Variants in ASTN2 observed in about 807,000 individuals in gnomAD.
The protein encoded by ASTN2 is astrotactin-2.
A neutral mutation model predicts 139.8 loss-of-function variants in ASTN2; 54 were observed. The observed-to-expected ratio is 0.39, with a 90% CI of 0.31 to 0.48. ASTN2 has a LOEUF of 0.48. Among genes scored for constraint, ASTN2 ranks in the 20% least tolerant of loss-of-function variants. The pLI is 0.95. For synonymous variants in ASTN2, 756 were observed against 719.5 expected (o/e 1.05, Z -0.81); for missense variants, 1,565 against 1,725.1 (o/e 0.91, Z 1.64).
Position 116,715,733 on chromosome 9 carries a change from G to C in ASTN2, c.2806+10038C>G, listed in dbSNP as rs141982015. On this transcript the variant is annotated intron_variant, in intron 16 of 22. Transcript: ENST00000313400. ...TGACTGTGGGATCTTTGAGAGCAGG[G>C]ACTGTGTCTCACTTGCCTTAGCCTC... Among the ~76,000 whole-genome samples, 3 of 152,276 alleles carry C rather than the reference G, an allele frequency of 2.0e-5. No individual in the cohort carries two copies. The East Asian group carries it at 5.8e-4, about 29-fold the overall frequency.
At chr9:117,145,223 G>A (rs148349352) in intron 3 of ASTN2, among the ~76,000 whole-genome samples, 33 of 152,246 alleles carry the variant, frequency 2.2e-4, no homozygotes, top group African/African-American at 7.5e-4. Flanking sequence ...AGAGCTGGAC[G>A]CTCTGGAGAC....
At chr9:116,782,922 G>A (rs779817639) in intron 13 of ASTN2, among the ~76,000 whole-genome samples, 23 of 152,210 alleles carry the variant, frequency 1.5e-4, no homozygotes, top group Admixed American at 2.6e-4. Context: ...TCAGTTTATC[G>A]AATTTCACTC....
At chr9:116,972,885 C>A (rs935316315) in intron 10 of ASTN2, among the ~76,000 whole-genome samples, 3 of 152,172 alleles carry the variant, frequency 2.0e-5, no homozygotes, top group Non-Finnish European at 4.4e-5. Context: ...AGTCTTTCCT[C>A]TAATCTCTTT....
At position 117,160,146 on chromosome 9, in the gene ASTN2, C is replaced by T. The variant is rs146281911; in HGVS notation, c.1016-18668G>A. 8.5e-4 allele frequency among the ~76,000 whole-genome samples: 129 copies of T among 152,056 alleles called. 1 individual carries two copies. The highest frequency in any genetic ancestry group is 3.0e-3 in the African/African-American group (125 of 41,516). On this transcript the variant is annotated intron_variant, in intron 3 of 22. Transcript: ENST00000313400. Reference sequence around the variant, plus strand: ...AACATCAATAGGATGGGAAAGTGTACCCTGCCCACAGTGGCCAATGGGGAG... The same window carrying T: ...AACATCAATAGGATGGGAAAGTGTATCCTGCCCACAGTGGCCAATGGGGAG...
At chr9:116,889,260 G>A (rs1421468139) in intron 10 of ASTN2, among the ~76,000 whole-genome samples, 1 of 152,102 alleles carries the variant, frequency 6.6e-6, no homozygotes, top group Non-Finnish European at 1.5e-5. Flanking sequence ...GAGGGAGCAG[G>A]GAACTGCCAT....
chr9:116,724,249 C>T (rs1471467750), intron 16 of ASTN2, among the ~76,000 whole-genome samples: 1 of 152,222 alleles, frequency 6.6e-6, no homozygotes, highest in African/African-American at 2.4e-5. Flanking sequence ...TGTAGGGTAG[C>T]ACAATGAGAC....
intron 1 of ASTN2, among the ~76,000 whole-genome samples, chr9:117,323,025 G>C (rs999842580): frequency 7.9e-5 from 12 of 151,950 alleles, no homozygotes; most frequent in African/African-American, 2.9e-4. Context: ...AAATACTACG[G>C]TATTCCAATT....
At chr9:117,281,943 C>T (rs1382281366) in intron 2 of ASTN2, among the ~76,000 whole-genome samples, 2 of 152,178 alleles carry the variant, frequency 1.3e-5, no homozygotes, top group Non-Finnish European at 2.9e-5. Context: ...CCATCTACCT[C>T]GCTACCCGAC....
At chr9:116,785,973 G>T (rs1442061048) in intron 13 of ASTN2, among the ~76,000 whole-genome samples, 5 of 152,118 alleles carry the variant, frequency 3.3e-5, no homozygotes, top group Non-Finnish European at 7.4e-5. Context: ...AGTCCCACAG[G>T]ACCCTATACA....
At chr9:116,840,161 C>T (rs1832165321) in intron 11 of ASTN2, among the ~76,000 whole-genome samples, 1 of 148,138 alleles carries the variant, frequency 6.8e-6, no homozygotes, top group Non-Finnish European at 1.5e-5. Flanking sequence ...TGAGTGGATA[C>T]AGCACATGTT....
intron 9 of ASTN2, 61 bp downstream of exon 9, chr9:116,976,053 T>A (rs1421093463): frequency 1.3e-6 from 2 of 1,519,670 alleles, no homozygotes; most frequent in Non-Finnish European, 1.8e-6. Flanking sequence ...CATGACCACA[T>A]CTTCCTATCA....
intron 10 of ASTN2, among the ~76,000 whole-genome samples, chr9:116,879,668 A>G (rs1485249739): frequency 5.3e-5 from 8 of 152,206 alleles, no homozygotes. Flanking sequence ...TGTGCAGGCA[A>G]CCCAATTTGT....
intron 19 of ASTN2, among the ~76,000 whole-genome samples, chr9:116,567,291 A>T (rs990485407): frequency 2.3e-4 from 35 of 152,216 alleles, no homozygotes; most frequent in African/African-American, 8.0e-4. Context: ...CTCAGGAGCC[A>T]GACAAGCTGG....
chr9:116,743,677 A>G (rs1174032442), intron 13 of ASTN2, among the ~76,000 whole-genome samples: 1 of 152,056 alleles, frequency 6.6e-6, no homozygotes, highest in Non-Finnish European at 1.5e-5. Flanking sequence ...AGCTAATTGT[A>G]TTTTTAGTAG....
intron 5 of ASTN2, among the ~76,000 whole-genome samples, chr9:117,060,617 G>A (rs551081318): frequency 2.9e-5 from 4 of 135,924 alleles, no homozygotes; most frequent in Admixed American, 7.2e-5. Flanking sequence ...GGGCGGGCCA[G>A]GGGCAGTGGC....
intron 20 of ASTN2, among the ~76,000 whole-genome samples, chr9:116,480,640 G>A (rs1013667109): frequency 6.6e-6 from 1 of 152,148 alleles, no homozygotes; most frequent in Admixed American, 6.5e-5. Flanking sequence ...ATGACAGGCA[G>A]GTAGATAAAA....
At chr9:116,846,435 C>T (rs1045359826) in intron 11 of ASTN2, among the ~76,000 whole-genome samples, 7 of 152,102 alleles carry the variant, frequency 4.6e-5, no homozygotes, top group Non-Finnish European at 2.9e-5. Flanking sequence ...TTCCTAACTT[C>T]AAAGAAAATC....
At chr9:116,494,225 A>T (rs1249992257) in intron 19 of ASTN2, among the ~76,000 whole-genome samples, 1 of 152,102 alleles carries the variant, frequency 6.6e-6, no homozygotes, top group Non-Finnish European at 1.5e-5. Flanking sequence ...CAGACCTACC[A>T]CTTATGAACT....
intron 3 of ASTN2, among the ~76,000 whole-genome samples, chr9:117,196,180 T>C (rs1188908939): frequency 6.6e-6 from 1 of 152,120 alleles, no homozygotes; most frequent in Admixed American, 6.6e-5. Context: ...AGCAAGTTAC[T>C]TAACCCCTCT....
Sources: gnomAD v4.1 joint callset for allele counts (sites outside exome capture counted in the v4.1 genomes callset) on GRCh38, gnomAD v4.1.1 for gene constraint, MANE v1.5 for transcripts, NCBI Gene and HGNC (gene_info 2026-07-23, HGNC 2026-07-21) for gene names.